MS4A14: variants seen among roughly 807,000 people sequenced by gnomAD.
MS4A14 encodes the protein membrane spanning 4-domains A14.
MS4A14 carries 18 observed loss-of-function variants against 16.7 expected under a neutral mutation model. The ratio of observed to expected loss-of-function variants is 1.08; its 90% CI spans 0.75 to 1.60. The LOEUF (loss-of-function observed/expected upper bound fraction) is 1.60, where lower values mean the gene tolerates loss of function less well. MS4A14 is among the 40% of genes most tolerant of loss of function. The probability of loss-of-function intolerance (pLI) is 0.00; values close to 1 mark genes in which losing one functional copy is unlikely to be tolerated. For missense variants in MS4A14, 812 were observed against 775.3 expected (o/e 1.05, Z -0.56); for synonymous variants, 305 against 289.4 (o/e 1.05, Z -0.55).
At chr11:60,413,052 C>A (rs1321387420) in intron 4 of MS4A14, among the ~76,000 whole-genome samples, 1 of 151,782 alleles carries the variant, frequency 6.6e-6, no homozygotes, top group Non-Finnish European at 1.5e-5. Flanking sequence ...AATGTATAAG[C>A]CTTATGCATA....
intron 4 of MS4A14, chr11:60,406,053 A>G: frequency 2.1e-6 from 2 of 962,912 alleles, no homozygotes. Flanking sequence ...GATACTGCAC[A>G]CAATGATGTC....
Position 60,417,194 on chromosome 11 carries a change from C to G in MS4A14, c.*186C>G, listed in dbSNP as rs554510522. 5 of 631,486 alleles carry G rather than the reference C, an allele frequency of 7.9e-6. No homozygotes were observed. Among genetic ancestry groups the G allele is most frequent in the Non-Finnish European group, 1.3e-5 (5 of 387,214 alleles). The allele number at this position is 631,486 out of a possible 1,614,324, so 39.1% of individuals were successfully genotyped here. A position where few individuals can be genotyped will look rare whatever the true frequency, so the allele number is the denominator to read the frequency against. ...TCAAGACACTCAAGATAAAGACCAACAAGACCTTCAATCCAGAGTTACACA... is the reference window on the plus strand; with the variant it reads ...TCAAGACACTCAAGATAAAGACCAAGAAGACCTTCAATCCAGAGTTACACA... On this transcript the variant is annotated 3_prime_UTR_variant, in exon 5 of 5. Coordinates refer to ENST00000300187, the MANE Select transcript of MS4A14 (RefSeq NM_032597.5).
chr11:60,403,038 G>A lies in MS4A14; in HGVS notation c.445G>A (p.Val149Ile). The A allele has an allele frequency of 1.2e-6, 2 of 1,613,658 alleles. No individual in the cohort carries two copies. Among genetic ancestry groups the A allele is most frequent in the Non-Finnish European group, 1.7e-6 (2 of 1,179,682 alleles). Residue 149 changes from valine to isoleucine, a missense_variant, in exon 4 of 5, where the codon GTT becomes ATT. Transcript: ENST00000300187. The part of the protein sequence containing the change: ...CQMPSFEEIC[V>I]FSRTLFIVLF... ...GATGCCATCCTTTGAAGAAATATGT[G>A]TTTTCAGTAGAACTCTTTTCATTGT... is the stretch of plus-strand genomic sequence containing the variant.
At chr11:60,396,796 C>G in intron 1 of MS4A14, 80 bp downstream of exon 1, 1 of 1,397,426 alleles carries the variant, frequency 7.2e-7, no homozygotes. Context: ...CAGAGATATG[C>G]AGAGATTATT....
Position 60,416,485 on chromosome 11 carries a change from A to C in MS4A14, c.1517A>C (p.Gln506Pro). 1 of 1,613,982 alleles carries C rather than the reference A, an allele frequency of 6.2e-7. No homozygotes were observed. Residue 506 changes from glutamine to proline, a missense_variant, in exon 5 of 5, where the codon CAA (glutamine) becomes CCA (proline). Transcript: ENST00000300187. ...QYLRRHSLDV[Q>P]AKGQKSSKRH... ...TTAAGGAGACATTCTTTAGACGTGC[A>C]AGCCAAAGGCCAGAAATCCTCAAAG...
At chr11:60,410,342 A>T (rs1484550068) in intron 4 of MS4A14, among the ~76,000 whole-genome samples, 1 of 152,168 alleles carries the variant, frequency 6.6e-6, no homozygotes, top group Non-Finnish European at 1.5e-5. Flanking sequence ...TTCTTTATAT[A>T]TTCTGGATCT....
At chr11:60,399,902 A>C (rs2085685571) in intron 2 of MS4A14, among the ~76,000 whole-genome samples, 1 of 152,164 alleles carries the variant, frequency 6.6e-6, no homozygotes, top group African/African-American at 2.4e-5. Context: ...ACATTAAAAA[A>C]GTAAGGGACT....
chr11:60,396,753 G>A (rs1164663718), intron 1 of MS4A14, 37 bp downstream of exon 1: 3 of 1,591,496 alleles, frequency 1.9e-6, no homozygotes, highest in Non-Finnish European at 2.6e-6. Flanking sequence ...TCCAGAAGGG[G>A]AGAAAAGAAG....
intron 3 of MS4A14, among the ~76,000 whole-genome samples, chr11:60,402,185 AAAT>A (rs1320137993): frequency 1.3e-5 from 2 of 152,098 alleles, no homozygotes; most frequent in Admixed American, 6.6e-5. Flanking sequence ...CCCTCCAAAA[AAAT>A]AAGAATGAAT....
intron 4 of MS4A14, among the ~76,000 whole-genome samples, chr11:60,406,290 T>G (rs1193514415): frequency 6.6e-6 from 1 of 152,144 alleles, no homozygotes; most frequent in African/African-American, 2.4e-5. Flanking sequence ...GGAACCCAAA[T>G]TACTGTGACA....
At position 60,412,307 on chromosome 11, in the gene MS4A14, GT is replaced by G. The variant is rs199570061; in HGVS notation, c.469-3118del. ...TTTTCAGAAGAGTTTGAGAATAATT[GT>G]TTTTTTTTTTTCTTTAAATTTTGGT... On this transcript the variant is annotated intron_variant, in intron 4 of 4. Transcript: ENST00000300187. 6.2e-3 allele frequency among the ~76,000 whole-genome samples: 893 copies of G among 144,004 alleles called. 4 individuals carry two copies. The highest frequency in any genetic ancestry group is 0.021 in the African/African-American group (823 of 39,876). The allele number at this position is 144,004 out of a possible 152,430, so 94.5% of individuals were successfully genotyped here.
Position 60,415,505 on chromosome 11 carries a change from A to G in MS4A14, c.537A>G (p.Gln179=). The change falls in exon 5 of 5, where the codon CAA becomes CAG. Residue 179 remains glutamine (Q), a synonymous_variant. Transcript: ENST00000300187. ...AACCTGCCCCAGAAGAAAATGATCAATTACAATTTGTGCTTCAAGAAGAGT... is the reference window on the plus strand; with the variant it reads ...AACCTGCCCCAGAAGAAAATGATCAGTTACAATTTGTGCTTCAAGAAGAGT... The part of the protein sequence containing the change: ...SEQPAPEEND[Q]LQFVLQEEFS... 1.9e-6 allele frequency: 3 copies of G among 1,613,594 alleles called. No homozygotes were observed. The highest frequency in any genetic ancestry group is 2.5e-6 in the Non-Finnish European group (3 of 1,179,696).
At chr11:60,413,557 T>C (rs2085897664) in intron 4 of MS4A14, among the ~76,000 whole-genome samples, 1 of 152,032 alleles carries the variant, frequency 6.6e-6, no homozygotes, top group African/African-American at 2.4e-5. Context: ...TATCGTATTA[T>C]CTGTATATTA....
chr11:60,397,522 G>T (rs1448984724), intron 1 of MS4A14, among the ~76,000 whole-genome samples: 3 of 152,156 alleles, frequency 2.0e-5, no homozygotes, highest in Non-Finnish European at 4.4e-5. Flanking sequence ...ATAGTTTATA[G>T]TCCCTGTGCT....
chr11:60,412,231 G>T (rs1311001252), intron 4 of MS4A14, among the ~76,000 whole-genome samples: 1 of 151,530 alleles, frequency 6.6e-6, no homozygotes, highest in Admixed American at 6.6e-5. Flanking sequence ...TTGGTATCAA[G>T]GTAATGGTGG....
At chr11:60,413,122 A>C (rs2085891474) in intron 4 of MS4A14, among the ~76,000 whole-genome samples, 1 of 151,624 alleles carries the variant, frequency 6.6e-6, no homozygotes, top group East Asian at 1.9e-4. Flanking sequence ...TGGTATTTTT[A>C]ATTTTATTTT....
intron 4 of MS4A14, among the ~76,000 whole-genome samples, chr11:60,406,562 A>G (rs563933960): frequency 3.3e-5 from 5 of 152,364 alleles, no homozygotes; most frequent in African/African-American, 9.6e-5. Flanking sequence ...CCAGTACCAC[A>G]TAACATCAGG....
chr11:60,416,251 C>CTGAA lies in MS4A14; in HGVS notation c.1284_1287dup (p.Ile430Ter). 1 of 1,613,996 alleles carries CTGAA rather than the reference C, an allele frequency of 6.2e-7. No individual in the cohort carries two copies. Among genetic ancestry groups the CTGAA allele is most frequent in the Non-Finnish European group, 8.5e-7 (1 of 1,179,966 alleles). On this transcript the variant is annotated frameshift_variant, in exon 5 of 5. Coordinates refer to ENST00000300187, the MANE Select transcript of MS4A14 (RefSeq NM_032597.5). LOFTEE classifies it low-confidence loss of function (END_TRUNC). ...TCAACATCCCATATTGTGCAGTTCCCTGAAATACAACACCTACTTCAGCAG... is the reference window on the plus strand; with the variant it reads ...TCAACATCCCATATTGTGCAGTTCCCTGAATGAAATACAACACCTACTTCAGCAG...
At chr11:60,398,421 T>A (rs540094404) in intron 2 of MS4A14, among the ~76,000 whole-genome samples, 1 of 152,318 alleles carries the variant, frequency 6.6e-6, no homozygotes, top group African/African-American at 2.4e-5. Context: ...AGAGACAACT[T>A]TATGAGTGGC....
Sources: allele counts gnomAD v4.1 joint callset (sites outside exome capture counted in the v4.1 genomes callset), GRCh38; gene constraint gnomAD v4.1.1; transcripts MANE v1.5; gene names NCBI Gene and HGNC (gene_info 2026-07-23, HGNC 2026-07-21).